Variants in LIMA1 observed in about 807,000 individuals in gnomAD.
LIMA1 encodes LIM domain and actin-binding protein 1.
In LIMA1, 52 loss-of-function variants were observed where a neutral mutation model predicts 62.6. The ratio of observed to expected loss-of-function variants is 0.83; its 90% CI spans 0.67 to 1.05. LIMA1 has a LOEUF of 1.05. Among genes scored for constraint, LIMA1 ranks in the 50% least tolerant of loss-of-function variants. The pLI, the probability that LIMA1 is intolerant of heterozygous loss-of-function variation, is 0.00. For synonymous variants in LIMA1, 302 were observed against 317.8 expected (o/e 0.95, Z 0.53); for missense variants, 780 against 902.2 (o/e 0.86, Z 1.74).
At chr12:50,279,612 T>C (rs1253382666) in intron 1 of LIMA1, among the ~76,000 whole-genome samples, 1 of 152,038 alleles carries the variant, frequency 6.6e-6, no homozygotes, top group Non-Finnish European at 1.5e-5. Flanking sequence ...TGGGAGTAAG[T>C]GGTTAGATTA....
chr12:50,255,990 A>G (rs1941992215), intron 1 of LIMA1, among the ~76,000 whole-genome samples: 1 of 152,024 alleles, frequency 6.6e-6, no homozygotes, highest in Admixed American at 6.6e-5. Flanking sequence ...CCCAGGTTCA[A>G]GCAATTGTCC....
At chr12:50,275,025 A>G (rs1942259348) in intron 1 of LIMA1, among the ~76,000 whole-genome samples, 1 of 152,134 alleles carries the variant, frequency 6.6e-6, no homozygotes, top group African/African-American at 2.4e-5. Context: ...TTATTATATA[A>G]AAGTGTGTTT....
chr12:50,210,381 G>A (rs183193469), intron 4 of LIMA1, among the ~76,000 whole-genome samples: 72 of 134,818 alleles, frequency 5.3e-4, no homozygotes, highest in Admixed American at 1.3e-3. Flanking sequence ...CAAGATTACT[G>A]CACTCCAGCC....
intron 2 of LIMA1, among the ~76,000 whole-genome samples, chr12:50,238,444 T>C (rs978358427): frequency 1.3e-5 from 2 of 151,880 alleles, no homozygotes; most frequent in East Asian, 3.9e-4. Flanking sequence ...GAGGTGGAGA[T>C]TGCAGTGAGC....
intron 4 of LIMA1, 48 bp from the exon 5 acceptor site, chr12:50,206,116 C>A: frequency 6.7e-7 from 1 of 1,492,110 alleles, no homozygotes. Context: ...AATGGGAAAT[C>A]TTGACGCAAG....
At chr12:50,194,670 G>A (rs1940888945) in intron 8 of LIMA1, among the ~76,000 whole-genome samples, 2 of 152,188 alleles carry the variant, frequency 1.3e-5, no homozygotes. Context: ...GAGAGGCTGC[G>A]GTGGTAGGAC....
At chr12:50,220,374 A>G (rs1436537380) in intron 4 of LIMA1, 1 of 152,072 alleles carries the variant, frequency 6.6e-6, no homozygotes, top group Non-Finnish European at 1.5e-5. Context: ...AAGATCTTAT[A>G]TGGAAAGTTT....
At chr12:50,238,039 A>T (rs2138608358) in intron 2 of LIMA1, among the ~76,000 whole-genome samples, 1 of 152,050 alleles carries the variant, frequency 6.6e-6, no homozygotes, top group African/African-American at 2.4e-5. Context: ...TTTGAAATTT[A>T]TTTTTTGTCG....
intron 8 of LIMA1, among the ~76,000 whole-genome samples, chr12:50,194,128 C>T (rs1592506196): frequency 6.7e-6 from 1 of 150,304 alleles, no homozygotes; most frequent in African/African-American, 2.5e-5. Context: ...GCTGGGACTA[C>T]AGGCACCCAC....
chr12:50,237,076 G>A (rs1941707319), intron 2 of LIMA1, among the ~76,000 whole-genome samples: 1 of 152,136 alleles, frequency 6.6e-6, no homozygotes, highest in Middle Eastern at 3.4e-3. Flanking sequence ...AATTATAAAA[G>A]CACAAATGTT....
intron 4 of LIMA1, among the ~76,000 whole-genome samples, chr12:50,221,234 T>A (rs1015066455): frequency 6.6e-6 from 1 of 152,152 alleles, no homozygotes; most frequent in African/African-American, 2.4e-5. Context: ...ATAACGACTG[T>A]TGTAACGAAC....
intron 1 of LIMA1, among the ~76,000 whole-genome samples, chr12:50,260,507 C>G (rs973646192): frequency 8.5e-5 from 13 of 152,216 alleles, no homozygotes; most frequent in African/African-American, 2.9e-4. Flanking sequence ...TGCAACGTAA[C>G]ATAACCCAAA....
At chr12:50,280,711 C>T (rs1205700930) in intron 1 of LIMA1, among the ~76,000 whole-genome samples, 2 of 152,118 alleles carry the variant, frequency 1.3e-5, no homozygotes, top group Non-Finnish European at 2.9e-5. Context: ...AGAATAAACT[C>T]ATCAGTATGG....
chr12:50,246,605 C>T (rs1790254460), intron 2 of LIMA1, among the ~76,000 whole-genome samples: 1 of 152,132 alleles, frequency 6.6e-6, no homozygotes, highest in African/African-American at 2.4e-5. Context: ...GTCACTCTCC[C>T]CACATGAAAA....
At chr12:50,260,995 C>A (rs969990892) in intron 1 of LIMA1, among the ~76,000 whole-genome samples, 2 of 141,448 alleles carry the variant, frequency 1.4e-5, no homozygotes, top group African/African-American at 2.6e-5. Flanking sequence ...TGCTATTTTA[C>A]CCCTCTCCCT....
chr12:50,280,864 T>C (rs545170459), intron 1 of LIMA1, among the ~76,000 whole-genome samples: 134 of 152,280 alleles, frequency 8.8e-4, no homozygotes, highest in Non-Finnish European at 1.4e-3. Flanking sequence ...CAATCTAAAA[T>C]GAAGTACCTT....
intron 1 of LIMA1, among the ~76,000 whole-genome samples, chr12:50,263,815 C>CTATATATATATATAGAGAGAGTA (rs1299778798): frequency 2.1e-5 from 2 of 95,690 alleles, no homozygotes; most frequent in Non-Finnish European, 4.1e-5. Context: ...GTGTGTGTGT[C>CTATATATATATATAGAGAGAGTA]TATATATATA....
chr12:50,182,062 T>C (rs368549265), intron 9 of LIMA1, 25 bp from the exon 10 acceptor site: 11 of 1,612,070 alleles, frequency 6.8e-6, no homozygotes, highest in Non-Finnish European at 9.3e-6. Flanking sequence ...AAGACAACTT[T>C]AGCATGGGCA....
chr12:50,247,596 A>C (rs1368797037), intron 2 of LIMA1, among the ~76,000 whole-genome samples: 1 of 142,126 alleles, frequency 7.0e-6, no homozygotes, highest in East Asian at 2.2e-4. Flanking sequence ...AAGCAAAATA[A>C]ATGCTGGAAT....
Sources: allele counts gnomAD v4.1 joint callset (sites outside exome capture counted in the v4.1 genomes callset), GRCh38; gene constraint gnomAD v4.1.1; transcripts MANE v1.5; gene names NCBI Gene and HGNC (gene_info 2026-07-23, HGNC 2026-07-21).